Variants in MAP2K4 observed in about 807,000 individuals in gnomAD.
MAP2K4 encodes dual specificity mitogen-activated protein kinase kinase 4.
Under a neutral mutation model 48.5 loss-of-function variants are expected in MAP2K4, and 4 were observed. The observed-to-expected ratio is 0.08, with a 90% confidence interval of 0.04 to 0.19. The LOEUF (loss-of-function observed/expected upper bound fraction) is 0.19, where lower values mean the gene tolerates loss of function less well. Ranked by LOEUF, MAP2K4 falls within the 10% of genes least tolerant of loss-of-function variation. The pLI is 1.00. For synonymous variants in MAP2K4, 166 were observed against 173.1 expected, an observed-to-expected ratio of 0.96 and a Z score of 0.32; for missense variants, 258 against 493.3, an observed-to-expected ratio of 0.52 and a Z score of 4.52.
At chr17:12,076,279 CTGTGTGTGTGTGTGTG>C (rs372806903) in intron 2 of MAP2K4, among the ~76,000 whole-genome samples, 72 of 135,254 alleles carry the variant, frequency 5.3e-4, no homozygotes, top group African/African-American at 1.5e-3. Context: ...TGTCACAGTT[CTGTGTGTGTGTGTGTG>C]TGTGTGTGTG....
intron 10 of MAP2K4, among the ~76,000 whole-genome samples, chr17:12,140,928 G>C (rs28921112): frequency 5.3e-5 from 8 of 152,114 alleles, no homozygotes; most frequent in African/African-American, 1.9e-4. Context: ...GGCACCTTCA[G>C]ATCATTACCA....
intron 3 of MAP2K4, among the ~76,000 whole-genome samples, chr17:12,088,568 A>AATATATATTATATATAATATATATTAAAT: frequency 7.5e-6 from 1 of 133,196 alleles, no homozygotes; most frequent in Non-Finnish European, 1.6e-5. Context: ...ATATATATTA[A>AATATATATTATATATAATATATATTAAAT]ATATATAATA....
At chr17:12,047,482 G>A (rs1016639849) in intron 1 of MAP2K4, among the ~76,000 whole-genome samples, 3 of 152,190 alleles carry the variant, frequency 2.0e-5, no homozygotes, top group Admixed American at 6.5e-5. Context: ...TAGCTAGTAA[G>A]TAGCAGAGTT....
rs118027178 is a variant in MAP2K4 at position 12,115,197 on chromosome 17, T to A, written c.813+1837T>A. Among the ~76,000 whole-genome samples, 1,415 of 152,340 alleles carry A rather than the reference T, an allele frequency of 9.3e-3. 10 individuals are homozygous for A. The highest frequency in any genetic ancestry group is 0.014 in the Non-Finnish European group (983 of 68,026). ...AAAATGTAGAGTTTACACATAAATT[T>A]TCCTGTAAACCGATTTCTTGTAAAC... On this transcript the variant is annotated intron_variant, in intron 7 of 10. Coordinates refer to ENST00000353533, the MANE Select transcript of MAP2K4 (RefSeq NM_003010.4).
intron 1 of MAP2K4, among the ~76,000 whole-genome samples, chr17:12,030,729 C>G (rs1401922053): frequency 1.3e-5 from 2 of 152,058 alleles, no homozygotes; most frequent in Non-Finnish European, 2.9e-5. Context: ...TTGCTCCTTT[C>G]GCCATCCATA....
At chr17:12,091,175 A>T (rs543206164) in intron 3 of MAP2K4, among the ~76,000 whole-genome samples, 1 of 152,220 alleles carries the variant, frequency 6.6e-6, no homozygotes, top group Non-Finnish European at 1.5e-5. Context: ...GTTGTTAAAA[A>T]TGGAGGCATT....
In MAP2K4 at chr17:12,081,817, A is replaced by G; in HGVS notation, c.393+287A>G. ...GCCCTTCTACTGCCAAGGTGAGTTC[A>G]GGCTGGGCGGCTGCACCCCTGGGAG... On this transcript the variant is annotated intron_variant, in intron 3 of 10. Coordinates refer to ENST00000353533, the MANE Select transcript of MAP2K4 (RefSeq NM_003010.4). The surrounding 1 kb of genome is among the most constrained non-coding windows in gnomAD (Gnocchi z 4.2). 1 of 487,986 alleles carries G rather than the reference A, an allele frequency of 2.0e-6. No homozygotes were observed. Among genetic ancestry groups the G allele is most frequent in the Non-Finnish European group, 4.1e-6 (1 of 242,834 alleles). The allele number at this position is 487,986 out of a possible 1,614,324, so 30.2% of individuals were successfully genotyped here.
intron 7 of MAP2K4, among the ~76,000 whole-genome samples, chr17:12,123,502 TTTCTC>T (rs1424238975): frequency 6.6e-6 from 1 of 152,148 alleles, no homozygotes; most frequent in Non-Finnish European, 1.5e-5. Flanking sequence ...TTTCTTGACT[TTTCTC>T]TATTGTTTTT....
chr17:12,058,750 T>C (rs1970361482), intron 2 of MAP2K4, among the ~76,000 whole-genome samples: 1 of 152,218 alleles, frequency 6.6e-6, no homozygotes, highest in Admixed American at 6.5e-5. Context: ...AGATAAGAGC[T>C]GCTTTTAAAA....
At chr17:12,122,889 TG>T (rs1317015168) in intron 7 of MAP2K4, among the ~76,000 whole-genome samples, 7 of 152,206 alleles carry the variant, frequency 4.6e-5, no homozygotes, top group Admixed American at 4.6e-4. Flanking sequence ...TTTATTGAGA[TG>T]ATCACATTAT....
At chr17:12,051,711 T>A (rs1970144761) in intron 1 of MAP2K4, among the ~76,000 whole-genome samples, 2 of 152,240 alleles carry the variant, frequency 1.3e-5, no homozygotes, top group Admixed American at 6.5e-5. Flanking sequence ...CTGTGAAAGT[T>A]GTTTCAAGTT....
intron 6 of MAP2K4, 129 bp downstream of exon 6, chr17:12,110,555 C>A: frequency 1.5e-6 from 1 of 653,332 alleles, no homozygotes; most frequent in Non-Finnish European, 2.6e-6. Context: ...GCAAAAAATG[C>A]TTTATGTACT....
intron 2 of MAP2K4, among the ~76,000 whole-genome samples, chr17:12,056,125 C>G (rs1567636437): frequency 6.6e-6 from 1 of 152,048 alleles, no homozygotes. Context: ...GTAGTGAAAG[C>G]TAGTGCAAAA....
intron 2 of MAP2K4, among the ~76,000 whole-genome samples, chr17:12,056,675 T>C (rs545600701): frequency 6.6e-6 from 1 of 152,222 alleles, no homozygotes; most frequent in Admixed American, 6.5e-5. Context: ...AATAGGTAAC[T>C]ACTAGCATTG....
intron 7 of MAP2K4, among the ~76,000 whole-genome samples, chr17:12,121,686 G>A (rs1225452538): frequency 1.3e-5 from 2 of 152,018 alleles, no homozygotes; most frequent in African/African-American, 2.4e-5. Flanking sequence ...GGTTTTGGAA[G>A]TGTTTTCAGA....
chr17:12,034,264 T>G (rs557658988), intron 1 of MAP2K4, among the ~76,000 whole-genome samples: 30 of 152,364 alleles, frequency 2.0e-4, no homozygotes, highest in African/African-American at 7.0e-4. Context: ...GGCTCTGTTT[T>G]TGTCATTATA....
intron 1 of MAP2K4, among the ~76,000 whole-genome samples, chr17:12,051,136 A>G (rs928493822): frequency 6.6e-6 from 1 of 152,192 alleles, no homozygotes; most frequent in Non-Finnish European, 1.5e-5. Flanking sequence ...GCCAGCTGCA[A>G]TTCTAATTTT....
rs991060540 is a variant in MAP2K4 at position 12,142,723 on chromosome 17, T to C, written c.*1463T>C. 1.2e-4 allele frequency: 27 copies of C among 232,938 alleles called. No individual in the cohort carries two copies. Among genetic ancestry groups the C allele is most frequent in the African/African-American group, 5.5e-4 (25 of 45,324 alleles). 14.4% of individuals were successfully genotyped at this position (232,938 alleles called of 1,614,324 possible). A position where few individuals can be genotyped will look rare whatever the true frequency, so the allele number is the denominator to read the frequency against. ...AGCAAAACAAAACCCTCAGCACTGT[T>C]ACAAGAGGCCATTTAAGTATCTTGT... On this transcript the variant is annotated 3_prime_UTR_variant, in exon 11 of 11. Transcript: ENST00000353533.
intron 1 of MAP2K4, among the ~76,000 whole-genome samples, chr17:12,029,460 T>C (rs1488266781): frequency 1.3e-5 from 2 of 152,038 alleles, no homozygotes; most frequent in Non-Finnish European, 2.9e-5. Context: ...AAATGGAGGA[T>C]CATGTCAAAT....
Sources: allele counts gnomAD v4.1 joint callset (sites outside exome capture counted in the v4.1 genomes callset), GRCh38; gene constraint gnomAD v4.1.1; non-coding constraint Gnocchi (gnomAD v3.1); transcripts MANE v1.5; gene names NCBI Gene and HGNC (gene_info 2026-07-23, HGNC 2026-07-21).